The following TTC6 variants were observed in gnomAD, a reference collection of about 807,000 sequenced individuals.
TTC6 encodes the protein tetratricopeptide repeat domain 6.
A neutral mutation model predicts 210.4 loss-of-function variants in TTC6; 172 were observed. That is an observed-to-expected ratio of 0.82 (90% CI 0.72 to 0.93). The LOEUF is 0.93. Among genes scored for constraint, TTC6 ranks in the 40% least tolerant of loss-of-function variants. The pLI is 0.00. For missense variants in TTC6, 2,414 were observed against 2,318.1 expected, an observed-to-expected ratio of 1.04 and a Z score of -0.85; for synonymous variants, 804 against 819.6, an observed-to-expected ratio of 0.98 and a Z score of 0.32.
At chr14:37,709,370 T>G (rs1327258661) in intron 5 of TTC6, among the ~76,000 whole-genome samples, 2 of 152,130 alleles carry the variant, frequency 1.3e-5, no homozygotes, top group Admixed American at 1.3e-4. Context: ...CTGGAATTAA[T>G]AGTAACCTCA....
At chr14:37,609,894 A>G (rs934600153) in intron 2 of TTC6, among the ~76,000 whole-genome samples, 3 of 152,226 alleles carry the variant, frequency 2.0e-5, no homozygotes, top group Admixed American at 2.0e-4. Flanking sequence ...AGCTGCCCAT[A>G]CAGAGTGCTC....
chr14:37,769,306 G>T (rs2139165049), intron 14 of TTC6, among the ~76,000 whole-genome samples: 1 of 151,628 alleles, frequency 6.6e-6, no homozygotes, highest in East Asian at 1.9e-4. Context: ...TCAGAATGAT[G>T]CTGGCCTCAT....
chr14:37,813,197 T>G (rs2096133642), intron 25 of TTC6, among the ~76,000 whole-genome samples: 1 of 152,152 alleles, frequency 6.6e-6, no homozygotes, highest in Non-Finnish European at 1.5e-5. Context: ...ATTTCTGGAG[T>G]CATTTTTTTG....
At chr14:37,694,007 CA>C (rs2095809654) in intron 3 of TTC6, among the ~76,000 whole-genome samples, 1 of 148,954 alleles carries the variant, frequency 6.7e-6, no homozygotes, top group East Asian at 1.9e-4. Context: ...AACAAACAAA[CA>C]AACAAACACT....
intron 2 of TTC6, among the ~76,000 whole-genome samples, chr14:37,609,684 A>G (rs533624280): frequency 6.6e-6 from 1 of 152,224 alleles, no homozygotes; most frequent in African/African-American, 2.4e-5. Flanking sequence ...TATGATAGAC[A>G]TATTTCAAGG....
At chr14:37,604,610 C>T (rs914251797) in intron 1 of TTC6, among the ~76,000 whole-genome samples, 2 of 151,994 alleles carry the variant, frequency 1.3e-5, no homozygotes, top group Non-Finnish European at 2.9e-5. Context: ...CCGATCATCG[C>T]CCTGGCTATG....
intron 30 of TTC6, 104 bp downstream of exon 32, chr14:37,841,774 A>C: frequency 2.1e-6 from 2 of 930,600 alleles, no homozygotes; most frequent in South Asian, 3.2e-5. Flanking sequence ...AGATAAACTT[A>C]CATAAGAATT....
intron 24 of TTC6, among the ~76,000 whole-genome samples, chr14:37,809,943 G>C (rs962479981): frequency 6.6e-6 from 1 of 152,124 alleles, no homozygotes; most frequent in Non-Finnish European, 1.5e-5. Context: ...AGTAAATGAC[G>C]CATTCTTTTA....
chr14:37,633,346 A>G (rs1452488859), intron 1 of TTC6, among the ~76,000 whole-genome samples: 2 of 152,210 alleles, frequency 1.3e-5, no homozygotes, highest in Non-Finnish European at 2.9e-5. Context: ...TTCATGGCAC[A>G]GTCCCTCACG....
At chr14:37,793,159 C>G (rs908077393) in intron 17 of TTC6, among the ~76,000 whole-genome samples, 3 of 152,144 alleles carry the variant, frequency 2.0e-5, no homozygotes, top group African/African-American at 7.2e-5. Context: ...CTTGCCAAAA[C>G]ATGTCAGATT....
At chr14:37,690,107 CTGCT>C in intron 3 of TTC6, among the ~76,000 whole-genome samples, 1 of 151,796 alleles carries the variant, frequency 6.6e-6, no homozygotes, top group South Asian at 2.1e-4. Context: ...TTTTTCTTTT[CTGCT>C]TGCTTGTTTG....
At chr14:37,803,459 A>G (rs1328467894) in intron 20 of TTC6, among the ~76,000 whole-genome samples, 1 of 152,206 alleles carries the variant, frequency 6.6e-6, no homozygotes, top group Non-Finnish European at 1.5e-5. Context: ...GATGTCCCTC[A>G]GATGACACCG....
exon 21 of TTC6, chr14:37,804,716 A>G (rs2096114504): frequency 6.2e-7 from 1 of 1,614,036 alleles, no homozygotes. Flanking sequence ...TTTGGATGCC[A>G]TTTCTCATTC....
chr14:37,656,871 A>T (rs2095724569), intron 1 of TTC6, among the ~76,000 whole-genome samples: 1 of 152,120 alleles, frequency 6.6e-6, no homozygotes, highest in Non-Finnish European at 1.5e-5. Flanking sequence ...CTAAAAGCAC[A>T]TTCTAGTAGC....
intron 1 of TTC6, among the ~76,000 whole-genome samples, chr14:37,639,984 A>G (rs2095688717): frequency 6.6e-6 from 1 of 151,202 alleles, no homozygotes; most frequent in African/African-American, 2.4e-5. Flanking sequence ...TAGGTCACAT[A>G]TATGTATATG....
intron 1 of TTC6, among the ~76,000 whole-genome samples, chr14:37,629,298 G>A (rs550617143): frequency 1.3e-5 from 2 of 152,144 alleles, no homozygotes; most frequent in South Asian, 2.1e-4. Flanking sequence ...GTGGTTTGTA[G>A]TTCTCCTTGA....
At chr14:37,708,578 T>C (rs1036702638) in intron 5 of TTC6, among the ~76,000 whole-genome samples, 1 of 152,080 alleles carries the variant, frequency 6.6e-6, no homozygotes, top group South Asian at 2.1e-4. Context: ...GGCCATTTTA[T>C]TTTTTCTCTT....
At chr14:37,751,581 A>G (rs1048365819) in intron 13 of TTC6, among the ~76,000 whole-genome samples, 38 of 152,092 alleles carry the variant, frequency 2.5e-4, no homozygotes, top group African/African-American at 9.2e-4. Context: ...AATATTTTCT[A>G]CTTTTTAACT....
intron 16 of TTC6, among the ~76,000 whole-genome samples, chr14:37,791,465 A>C (rs2096079176): frequency 6.6e-6 from 1 of 152,156 alleles, no homozygotes; most frequent in African/African-American, 2.4e-5. Flanking sequence ...AGAGTAACTA[A>C]TCATGCCAAT....
Sources: allele counts gnomAD v4.1 joint callset (sites outside exome capture counted in the v4.1 genomes callset), GRCh38; gene constraint gnomAD v4.1.1; transcripts MANE v1.5; gene names NCBI Gene and HGNC (gene_info 2026-07-23, HGNC 2026-07-21).